The following PLA2G7 variants were observed in gnomAD, a reference collection of about 807,000 sequenced individuals.
PLA2G7 encodes the protein platelet-activating factor acetylhydrolase.
PLA2G7 carries 63 observed loss-of-function variants against 49.6 expected under a neutral mutation model. That is an observed-to-expected ratio of 1.27 (90% confidence interval 1.04 to 1.57). PLA2G7 has a LOEUF of 1.57. Ranked by LOEUF, PLA2G7 falls within the 40% of genes most tolerant of loss-of-function variation. The pLI, the probability that PLA2G7 is intolerant of heterozygous loss-of-function variation, is 0.00. For missense variants in PLA2G7, 596 were observed against 521.2 expected (o/e 1.14, Z -1.40); for synonymous variants, 193 against 169.9 (o/e 1.14, Z -1.06).
intron 1 of PLA2G7, 77 bp from the exon 2 acceptor site, chr6:46,723,002 C>CTGAG: frequency 1.4e-6 from 1 of 713,256 alleles, no homozygotes; most frequent in Non-Finnish European, 2.6e-6. Context: ...TCAAGAAAGG[C>CTGAG]TGAGGTACTA....
At chr6:46,730,922 A>G (rs145992284) in intron 1 of PLA2G7, among the ~76,000 whole-genome samples, 1 of 152,302 alleles carries the variant, frequency 6.6e-6, no homozygotes, top group East Asian at 1.9e-4. Context: ...TTTGTCTGCA[A>G]TTTGAATCAC....
At position 46,704,531 on chromosome 6, in the gene PLA2G7, AC is replaced by A. The variant is rs1446359228; in HGVS notation, c.*28del. On this transcript the variant is annotated 3_prime_UTR_variant, in exon 12 of 12. Transcript: ENST00000274793. ...ACACATAATTTTAGACAGTTTTGAA[AC>A]AAGACTTTTAAAAAACCTATTTTAA... 7.3e-7 allele frequency: 1 copy of A among 1,367,196 alleles called. No homozygotes were observed. Among genetic ancestry groups the A allele is most frequent in the South Asian group, 1.2e-5 (1 of 85,838 alleles). 84.7% of individuals were successfully genotyped at this position (1,367,196 alleles called of 1,614,324 possible).
At chr6:46,716,597 C>A in intron 3 of PLA2G7, 69 bp from the exon 4 acceptor site, 1 of 1,530,154 alleles carries the variant, frequency 6.5e-7, no homozygotes, top group Non-Finnish European at 9.0e-7. Context: ...AGCTATTTTG[C>A]ATATTTAATT....
chr6:46,720,514 G>T (rs1765361098), intron 2 of PLA2G7, among the ~76,000 whole-genome samples: 1 of 152,202 alleles, frequency 6.6e-6, no homozygotes, highest in Admixed American at 6.5e-5. Context: ...CTATGCACCA[G>T]TGCCAGGGTG....
chr6:46,710,526 A>G lies in PLA2G7; in HGVS notation c.777+19T>C, dbSNP rs1422704965. 7.0e-7 allele frequency: 1 copy of G among 1,437,950 alleles called. No individual in the cohort carries two copies. The highest frequency in any genetic ancestry group is 9.8e-7 in the Non-Finnish European group (1 of 1,019,694). 89.1% of individuals were successfully genotyped at this position (1,437,950 alleles called of 1,614,324 possible). A position where few individuals can be genotyped will look rare whatever the true frequency, so the allele number is the denominator to read the frequency against. ...TAAAGAACTGTAGGACAAGAGAAAA[A>G]TTACTTTTTATAGCTTACCTTCAGT... On this transcript the variant is annotated intron_variant, in intron 8 of 11. Transcript: ENST00000274793.
At chr6:46,728,839 A>G (rs1036388855) in intron 1 of PLA2G7, among the ~76,000 whole-genome samples, 3 of 152,180 alleles carry the variant, frequency 2.0e-5, no homozygotes, top group Admixed American at 2.0e-4. Flanking sequence ...TTCTTGAGAA[A>G]ACTTACCTGT....
chr6:46,706,403 A>T (rs1359933529), intron 10 of PLA2G7, among the ~76,000 whole-genome samples: 1 of 152,226 alleles, frequency 6.6e-6, no homozygotes, highest in Non-Finnish European at 1.5e-5. Flanking sequence ...GGATGATCTG[A>T]CTGTAGAGAA....
chr6:46,725,609 A>C (rs1471821595), intron 1 of PLA2G7, among the ~76,000 whole-genome samples: 1 of 152,134 alleles, frequency 6.6e-6, no homozygotes, highest in Non-Finnish European at 1.5e-5. Flanking sequence ...AAAGGTATAT[A>C]TGTGCAACTC....
chr6:46,704,414 T>C lies in PLA2G7; in HGVS notation c.*146A>G. ...ACAGTATAGCCTACATTTTAAAATATGAGTCCTTTGGGAAAATACATTAAA... is the reference window on the plus strand; with the variant it reads ...ACAGTATAGCCTACATTTTAAAATACGAGTCCTTTGGGAAAATACATTAAA... On this transcript the variant is annotated 3_prime_UTR_variant, in exon 12 of 12. Transcript: ENST00000274793. The C allele has an allele frequency of 1.5e-6, 1 of 668,224 alleles. No homozygotes were observed. Among genetic ancestry groups the C allele is most frequent in the South Asian group, 1.7e-5 (1 of 60,362 alleles). 41.4% of individuals were successfully genotyped at this position (668,224 alleles called of 1,614,324 possible).
At chr6:46,713,086 A>C (rs528630740) in intron 5 of PLA2G7, among the ~76,000 whole-genome samples, 11 of 152,362 alleles carry the variant, frequency 7.2e-5, no homozygotes, top group Admixed American at 2.0e-4. Context: ...GTAAATACTT[A>C]ACACATGTTA....
At chr6:46,733,745 G>C (rs1765804972) in intron 1 of PLA2G7, among the ~76,000 whole-genome samples, 1 of 152,196 alleles carries the variant, frequency 6.6e-6, no homozygotes, top group South Asian at 2.1e-4. Context: ...AAGGCCATCT[G>C]CTTCTTCTTG....
intron 9 of PLA2G7, among the ~76,000 whole-genome samples, chr6:46,708,929 C>A (rs1053492221): frequency 4.6e-5 from 7 of 152,046 alleles, no homozygotes; most frequent in African/African-American, 1.7e-4. Flanking sequence ...AGATCCAGCT[C>A]CATCTTAAAG....
chr6:46,705,083 G>T, intron 11 of PLA2G7, 70 bp downstream of exon 11: 2 of 1,087,054 alleles, frequency 1.8e-6, no homozygotes, highest in Non-Finnish European at 1.4e-6. Context: ...TAGTACTAAA[G>T]CTGTATTAAG....
chr6:46,709,156 TG>T (rs2150693445), intron 9 of PLA2G7, among the ~76,000 whole-genome samples, 170 bp downstream of exon 9: 1 of 152,282 alleles, frequency 6.6e-6, no homozygotes, highest in East Asian at 1.9e-4. Flanking sequence ...GAGAGGTAGA[TG>T]TTTTAGCCTA....
At chr6:46,728,147 T>A (rs1053927356) in intron 1 of PLA2G7, among the ~76,000 whole-genome samples, 22 of 152,144 alleles carry the variant, frequency 1.4e-4, no homozygotes, top group Non-Finnish European at 2.5e-4. Context: ...ACCAAATGAT[T>A]GCTGAAGAAG....
rs1377933141 is a variant in PLA2G7, at chr6:46,722,858, G to A, written c.34C>T (p.Leu12Phe). 1.2e-6 allele frequency: 2 copies of A among 1,613,780 alleles called. No homozygotes were observed. The highest frequency in any genetic ancestry group is 1.7e-5 in the Admixed American group (1 of 59,994). The part of the protein sequence containing the change: ...VPPKLHVLFC[L>F]CGCLAVVYPF... ...TAAACCACAGCCAGGCAGCCGCAGA[G>A]GCAGAAAAGCACATGCAATTTGGGT... The change falls in exon 2 of 12, where the codon CTC (leucine) becomes TTC (phenylalanine). Residue 12 changes from leucine (L) to phenylalanine (F), a missense_variant. By Grantham distance (22) the Leu-to-Phe change is conservative. Transcript: ENST00000274793.
intron 2 of PLA2G7, among the ~76,000 whole-genome samples, chr6:46,722,374 T>C (rs577057521): frequency 6.6e-6 from 1 of 152,340 alleles, no homozygotes; most frequent in East Asian, 1.9e-4. Flanking sequence ...ACAAGACACC[T>C]GCTTCTTTTT....
rs1051931 is a variant in PLA2G7, at chr6:46,705,206, A to G, written c.1136T>C (p.Val379Ala). Residue 379 changes from valine (V) to alanine (A), a missense_variant, in exon 11 of 12, where the codon GTA becomes GCA. Transcript: ENST00000274793. Reference sequence around the variant, plus strand: ...AGCTTTGTTGCTAAGATCAATAGCTACATTTGAATCTATGTCTCCCTTTAA... The same window carrying G: ...AGCTTTGTTGCTAAGATCAATAGCTGCATTTGAATCTATGTCTCCCTTTAA... ...LKLKGDIDSN[V>A]AIDLSNKASL... The G allele has an allele frequency of 0.8, 1,292,613 of 1,606,512 alleles. 520,711 individuals are homozygous for G. The highest frequency in any genetic ancestry group is 0.89 in the East Asian group (39,716 of 44,808).
Position 46,712,309 on chromosome 6 carries a change from G to A in PLA2G7, c.499C>T (p.Leu167=), listed in dbSNP as rs773440236. The A allele has an allele frequency of 6.2e-7, 1 of 1,612,436 alleles. No individual in the cohort carries two copies. Among genetic ancestry groups the A allele is most frequent in the Non-Finnish European group, 8.5e-7 (1 of 1,178,674 alleles). The part of the protein sequence containing the change: ...RTLYSAIGID[L]ASHGFIVAAV... ...GCAACTATAAACCCATGAGATGCCA[G>A]GTCAATGCCAATAGCAGAATAAAGT... Residue 167 remains leucine, a synonymous_variant, in exon 6 of 12, where the codon CTG becomes TTG. Transcript: ENST00000274793.
Sources: gnomAD v4.1 joint callset for allele counts (sites outside exome capture counted in the v4.1 genomes callset) on GRCh38, gnomAD v4.1.1 for gene constraint, MANE v1.5 for transcripts, NCBI Gene and HGNC (gene_info 2026-07-23, HGNC 2026-07-21) for gene names.